The following DMD variants were observed in gnomAD, a reference collection of about 807,000 sequenced individuals.
DMD encodes dystrophin.
Under a neutral mutation model 330.1 loss-of-function variants are expected in DMD, and 63 were observed. The ratio of observed to expected loss-of-function variants is 0.19; its 90% CI spans 0.16 to 0.24. The LOEUF (loss-of-function observed/expected upper bound fraction) is 0.24. Among genes scored for constraint, DMD ranks in the 10% least tolerant of loss-of-function variants. DMD has a pLI of 1.00. For missense variants in DMD, 3,344 were observed against 2,684.1 expected (o/e 1.25, Z -5.43); for synonymous variants, 1,223 against 959.8 (o/e 1.27, Z -5.07).
chrX:32,437,185 C>T (rs1032546986), intron 29 of DMD, among the ~76,000 whole-genome samples: 6 of 111,800 alleles, frequency 5.4e-5, no homozygotes, highest in African/African-American at 1.3e-4. Flanking sequence ...GATGAAGGAC[C>T]AGAGATTGTT....
intron 52 of DMD, among the ~76,000 whole-genome samples, chrX:31,683,017 C>A (rs1209474279): frequency 8.9e-6 from 1 of 111,922 alleles, no homozygotes; most frequent in Non-Finnish European, 1.9e-5. Context: ...AATGCTTGCT[C>A]AATAATAGAA....
rs1170501945 is a variant in DMD at position 32,644,311 on chromosome X, C to T, written c.1152G>A (p.Gly384=). Residue 384 remains glycine (G), a splice_region_variant and synonymous_variant, in exon 11 of 79, where the codon GGG becomes GGA. Coordinates refer to ENST00000357033, the MANE Select transcript of DMD (RefSeq NM_004006.3). The part of the protein sequence containing the change: ...VVKDQFHTHE[G]YMMDLTAHQG... ...GATGGGCTGTCAAATCCATCATGTA[C>T]CCCTGACAAAGAAGGAAGTTAACAA... 1.7e-6 allele frequency: 2 copies of T among 1,209,811 alleles called. No homozygotes were observed. The highest frequency in any genetic ancestry group is 1.1e-6 in the Non-Finnish European group (1 of 894,326).
intron 30 of DMD, among the ~76,000 whole-genome samples, chrX:32,407,134 T>C (rs181182560): frequency 9.0e-6 from 1 of 111,371 alleles, no homozygotes; most frequent in Admixed American, 9.6e-5. Flanking sequence ...TGGGATCTAA[T>C]TAAACTAAAG....
chrX:31,723,982 C>G (rs1194267263), intron 52 of DMD, among the ~76,000 whole-genome samples: 1 of 112,121 alleles, frequency 8.9e-6, no homozygotes, highest in Non-Finnish European at 1.9e-5. Context: ...AAGGCTGAAT[C>G]TTACTTTTTT....
chrX:32,804,240 C>T (rs911721436), intron 7 of DMD, among the ~76,000 whole-genome samples: 8 of 112,165 alleles, frequency 7.1e-5, no homozygotes, highest in African/African-American at 2.6e-4. Flanking sequence ...GTAATTCTCG[C>T]TGCCAGCACA....
intron 30 of DMD, among the ~76,000 whole-genome samples, chrX:32,405,287 C>T (rs1057475069): frequency 9.0e-6 from 1 of 111,720 alleles, no homozygotes; most frequent in Non-Finnish European, 1.9e-5. Flanking sequence ...CAAAACTAAA[C>T]TCTGTGCTTC....
rs184639742 is a variant in DMD at position 32,744,576 on chromosome X, A to G, written c.650-45283T>C. 1.6e-4 allele frequency among the ~76,000 whole-genome samples: 18 copies of G among 111,271 alleles called. No individual in the cohort carries two copies. The East Asian group carries it at 4.9e-3, about 30-fold the overall frequency. On this transcript the variant is annotated intron_variant, in intron 7 of 78. Transcript: ENST00000357033. The stretch of plus-strand genomic sequence containing the variant: ...ATTAGACCTAAGAAAAATGAAATCC[A>G]TCTTCTTTACTCCCTCCCTCCAAAC...
At chrX:32,336,666 AACT>A (rs901205865) in intron 41 of DMD, among the ~76,000 whole-genome samples, 4 of 111,914 alleles carry the variant, frequency 3.6e-5, no homozygotes, top group African/African-American at 1.3e-4. Flanking sequence ...TTATAACAGA[AACT>A]ACTACATTAC....
intron 2 of DMD, among the ~76,000 whole-genome samples, chrX:32,873,118 A>C: frequency 9.0e-6 from 1 of 111,084 alleles, no homozygotes; most frequent in Non-Finnish European, 1.9e-5. Context: ...GCAATTCCTG[A>C]AGTGGTCATA....
intron 41 of DMD, among the ~76,000 whole-genome samples, chrX:32,320,161 A>AT (rs1052776059): frequency 2.7e-5 from 3 of 111,078 alleles, no homozygotes; most frequent in African/African-American, 6.5e-5. Flanking sequence ...ACTTGAGTAG[A>AT]TTTTTCAGAA....
chrX:32,489,365 C>G (rs2042777393), intron 20 of DMD, among the ~76,000 whole-genome samples: 1 of 109,984 alleles, frequency 9.1e-6, no homozygotes, highest in Admixed American at 9.8e-5. Flanking sequence ...GGGCTAATCC[C>G]TTAGGGATTG....
At chrX:32,163,951 A>G (rs774360447) in intron 44 of DMD, among the ~76,000 whole-genome samples, 1 of 111,576 alleles carries the variant, frequency 9.0e-6, no homozygotes, top group Admixed American at 9.6e-5. Context: ...CCTCAAGACT[A>G]CGGATTTTCT....
At chrX:32,593,167 CCA>C (rs756861512) in intron 13 of DMD, among the ~76,000 whole-genome samples, 114 of 112,691 alleles carry the variant, frequency 1.0e-3, no homozygotes, top group Non-Finnish European at 9.4e-4. Flanking sequence ...GTGCTGCCGG[CCA>C]CAGAGGTTTC....
chrX:32,546,435 G>C (rs1301609045), intron 16 of DMD, among the ~76,000 whole-genome samples: 2 of 110,095 alleles, frequency 1.8e-5, no homozygotes, highest in African/African-American at 6.6e-5. Context: ...TAAGGGAAGG[G>C]TTTGTAGTAA....
At chrX:32,408,227 A>C (rs2098126916) in intron 30 of DMD, among the ~76,000 whole-genome samples, 1 of 112,090 alleles carries the variant, frequency 8.9e-6, no homozygotes, top group South Asian at 3.7e-4. Flanking sequence ...ATTTTCTAAA[A>C]GTGTAAGCTT....
At chrX:32,604,021 C>G (rs2056456798) in intron 12 of DMD, among the ~76,000 whole-genome samples, 1 of 110,783 alleles carries the variant, frequency 9.0e-6, no homozygotes, top group African/African-American at 3.3e-5. Context: ...CACCATGATA[C>G]CAAAGGCAGG....
chrX:31,128,124 G>A (rs897233545), intron 77 of DMD, among the ~76,000 whole-genome samples: 6 of 111,478 alleles, frequency 5.4e-5, no homozygotes, highest in Non-Finnish European at 9.4e-5. Context: ...ATCCCAGTAT[G>A]AATCACTCAC....
chrX:31,487,396 G>A (rs938606056), intron 57 of DMD, among the ~76,000 whole-genome samples: 1 of 110,546 alleles, frequency 9.0e-6, no homozygotes, highest in Non-Finnish European at 1.9e-5. Context: ...GAGTAGCTGG[G>A]ACTACAGGTG....
At chrX:31,220,577 C>T in intron 64 of DMD, among the ~76,000 whole-genome samples, 1 of 111,717 alleles carries the variant, frequency 9.0e-6, no homozygotes, top group African/African-American at 3.3e-5. Flanking sequence ...GTTGCTTATC[C>T]TGTGTCCTAA....
Sources: allele counts gnomAD v4.1 joint callset (sites outside exome capture counted in the v4.1 genomes callset), GRCh38; gene constraint gnomAD v4.1.1; transcripts MANE v1.5; gene names NCBI Gene and HGNC (gene_info 2026-07-23, HGNC 2026-07-21).